ADH4: variants seen among roughly 807,000 people sequenced by gnomAD.
ADH4 encodes the protein alcohol dehydrogenase 4 (class II), pi polypeptide, also known as all-trans-retinol dehydrogenase [NAD(+)] ADH4.
In ADH4, 31 loss-of-function variants were observed where a neutral mutation model predicts 35.2. That is an observed-to-expected ratio of 0.88 (90% CI 0.66 to 1.19). ADH4 has a LOEUF of 1.19. Ranked by LOEUF, ADH4 falls within the 50% of genes most tolerant of loss-of-function variation. ADH4 has a pLI of 0.00. For synonymous variants in ADH4, 171 were observed against 160.2 expected (o/e 1.07, Z -0.51); for missense variants, 476 against 458.3 (o/e 1.04, Z -0.35).
At chr4:99,125,214 A>C (rs1388584537) in intron 8 of ADH4, among the ~76,000 whole-genome samples, 1 of 152,046 alleles carries the variant, frequency 6.6e-6, no homozygotes, top group Non-Finnish European at 1.5e-5. Flanking sequence ...TCCTGTGCCC[A>C]TATGGTGGAC....
intron 5 of ADH4, among the ~76,000 whole-genome samples, chr4:99,132,476 GCTTTT>G (rs1387139538): frequency 6.6e-6 from 1 of 151,880 alleles, no homozygotes; most frequent in East Asian, 1.9e-4. Context: ...CTGTCTTTTT[GCTTTT>G]CTTTTATTAT....
At position 99,127,262 on chromosome 4, in the gene ADH4, A is replaced by G. The variant is rs200898633; in HGVS notation, c.926T>C (p.Ile309Thr). The change falls in exon 7 of 9, where the codon ATT (isoleucine) becomes ACT (threonine). Residue 309 changes from isoleucine to threonine, a missense_variant. Physicochemically the swap from Ile to Thr is moderately conservative, Grantham distance 89. Coordinates refer to ENST00000265512, the MANE Select transcript of ADH4 (RefSeq NM_000670.5). The stretch of plus-strand genomic sequence containing the variant: ...GCCGATTATTAGCTCCTCTGGAAAA[A>G]TAGTCAATCCTTTGCTACCAGCAGC... ...GVAAGSKGLT[I>T]FPEELIIGRT... 3 of 1,611,914 alleles carry G rather than the reference A, an allele frequency of 1.9e-6. No homozygotes were observed. The highest frequency in any genetic ancestry group is 1.7e-6 in the Non-Finnish European group (2 of 1,178,698).
At chr4:99,128,790 A>G (rs1729176324) in intron 6 of ADH4, among the ~76,000 whole-genome samples, 1 of 133,622 alleles carries the variant, frequency 7.5e-6, no homozygotes, top group South Asian at 2.6e-4. Context: ...TAATTCATAT[A>G]TAAATATATA....
At chr4:99,128,433 C>CA (rs1366071155) in intron 6 of ADH4, among the ~76,000 whole-genome samples, 1 of 150,182 alleles carries the variant, frequency 6.7e-6, no homozygotes, top group Non-Finnish European at 1.5e-5. Flanking sequence ...GACTCCATCT[C>CA]AAAAAAAAAG....
intron 1 of ADH4, chr4:99,143,091 T>C (rs1447914982): frequency 7.2e-6 from 5 of 698,532 alleles, no homozygotes; most frequent in Admixed American, 2.0e-5. Context: ...AGAGAATAGA[T>C]TTATGGAGTT....
chr4:99,142,782 T>C lies in ADH4; in HGVS notation c.19-2A>G, dbSNP rs746363534. 5 of 1,593,882 alleles carry C rather than the reference T, an allele frequency of 3.1e-6. No individual in the cohort carries two copies. The highest frequency in any genetic ancestry group is 3.4e-6 in the Non-Finnish European group (4 of 1,171,676). On this transcript the variant is annotated splice_acceptor_variant, in intron 1 of 8. Coordinates refer to ENST00000265512, the MANE Select transcript of ADH4 (RefSeq NM_000670.5). LOFTEE classifies it high-confidence loss of function. ...GATGGCTGCTTTGCATTTAATAACC[T>C]GAAAGAGAGAAAGAAAAGGAAGAGG...
chr4:99,142,302 G>C (rs1729651367), intron 2 of ADH4, among the ~76,000 whole-genome samples: 1 of 152,134 alleles, frequency 6.6e-6, no homozygotes, highest in African/African-American at 2.4e-5. Context: ...AGCACGTCAG[G>C]TTTTTTCTTC....
At chr4:99,126,263 A>T (rs527821454) in intron 8 of ADH4, among the ~76,000 whole-genome samples, 1 of 148,550 alleles carries the variant, frequency 6.7e-6, no homozygotes, top group Admixed American at 6.8e-5. Flanking sequence ...CACGGTGCTA[A>T]ACTCAGGGGT....
At chr4:99,128,433 CA>C (rs1366071155) in intron 6 of ADH4, among the ~76,000 whole-genome samples, 6 of 150,300 alleles carry the variant, frequency 4.0e-5, no homozygotes, top group Admixed American at 1.3e-4. Flanking sequence ...GACTCCATCT[CA>C]AAAAAAAAGT....
Position 99,126,709 on chromosome 4 carries a change from G to A in ADH4, c.1003C>T (p.Pro335Ser), listed in dbSNP as rs1245205543. Residue 335 changes from proline (P) to serine (S), a missense_variant, in exon 8 of 9, where the codon CCA (proline) becomes TCA (serine). Physicochemically the swap from Pro to Ser is moderately conservative, Grantham distance 74. Transcript: ENST00000265512. ...FGGWKSVDSI[P>S]KLVTDYKNKK... ...TTCTTATAGTCAGTGACCAGCTTTGGGATAGAATCTACACTTTTCCAACCT... is the reference window on the plus strand; with the variant it reads ...TTCTTATAGTCAGTGACCAGCTTTGAGATAGAATCTACACTTTTCCAACCT... 1.2e-6 allele frequency: 2 copies of A among 1,607,650 alleles called. No individual in the cohort carries two copies. Among genetic ancestry groups the A allele is most frequent in the Non-Finnish European group, 1.7e-6 (2 of 1,175,636 alleles).
intron 5 of ADH4, among the ~76,000 whole-genome samples, chr4:99,135,507 G>C (rs1729408885): frequency 6.6e-6 from 1 of 152,154 alleles, no homozygotes; most frequent in African/African-American, 2.4e-5. Context: ...ATCTCTGAGA[G>C]GAAGTGATAA....
chr4:99,139,231 T>C, intron 3 of ADH4, 83 bp from the exon 4 acceptor site: 1 of 836,326 alleles, frequency 1.2e-6, no homozygotes, highest in Non-Finnish European at 1.9e-6. Flanking sequence ...AAACACCTTT[T>C]CTTTATAGTA....
intron 5 of ADH4, 101 bp downstream of exon 5, chr4:99,136,365 A>G: frequency 1.0e-6 from 1 of 955,644 alleles, no homozygotes; most frequent in Non-Finnish European, 1.6e-6. Flanking sequence ...GAGGTAATAA[A>G]TGACACAGCC....
Position 99,127,266 on chromosome 4 carries a change from T to G in ADH4, c.922A>C (p.Thr308Pro). The stretch of plus-strand genomic sequence containing the variant: ...ATTATTAGCTCCTCTGGAAAAATAG[T>G]CAATCCTTTGCTACCAGCAGCTACT... The part of the protein sequence containing the change: ...IGVAAGSKGL[T>P]IFPEELIIGR... The change falls in exon 7 of 9, where the codon ACT (threonine) becomes CCT (proline). Residue 308 changes from threonine to proline, a missense_variant. Transcript: ENST00000265512. The G allele has an allele frequency of 1.9e-6, 3 of 1,612,200 alleles. No individual in the cohort carries two copies. The highest frequency in any genetic ancestry group is 2.5e-6 in the Non-Finnish European group (3 of 1,178,908).
chr4:99,143,121 A>G (rs1729686383), intron 1 of ADH4: 2 of 701,182 alleles, frequency 2.9e-6, no homozygotes, highest in Non-Finnish European at 5.2e-6. Context: ...TAGATGGCCT[A>G]TAAAAATCTA....
chr4:99,130,938 A>G (rs1729251695), intron 6 of ADH4, among the ~76,000 whole-genome samples: 1 of 152,158 alleles, frequency 6.6e-6, no homozygotes, highest in Non-Finnish European at 1.5e-5. Flanking sequence ...GTTAATATTA[A>G]TAATGTATAT....
intron 8 of ADH4, 61 bp from the exon 9 acceptor site, chr4:99,124,527 A>C: frequency 9.8e-6 from 11 of 1,127,840 alleles, no homozygotes; most frequent in Non-Finnish European, 1.4e-5. Context: ...ACCAAAGCTC[A>C]CAAATAAGTT....
Position 99,124,332 on chromosome 4 carries a change from T to TA in ADH4, c.*109dup. 2 of 742,988 alleles carry TA rather than the reference T, an allele frequency of 2.7e-6. No individual in the cohort carries two copies. The highest frequency in any genetic ancestry group is 4.5e-6 in the Non-Finnish European group (2 of 443,968). The allele number at this position is 742,988 out of a possible 1,614,324, so 46.0% of individuals were successfully genotyped here. A position where few individuals can be genotyped will look rare whatever the true frequency, so the allele number is the denominator to read the frequency against. ...CTCTTTTATGTTCCCATATTAAATG[T>TA]AAATATTTGTTTAAACTCATGGCTT... On this transcript the variant is annotated 3_prime_UTR_variant, in exon 9 of 9. Coordinates refer to ENST00000265512, the MANE Select transcript of ADH4 (RefSeq NM_000670.5).
Position 99,124,383 on chromosome 4 carries a change from A to T in ADH4, c.*59T>A, listed in dbSNP as rs1217267542. ...TCCTTGGTTCATCAAATCAGGTAAT[A>T]AATTAACCAGGCAGGTTCACATTCA... is the stretch of plus-strand genomic sequence containing the variant. On this transcript the variant is annotated 3_prime_UTR_variant, in exon 9 of 9. Coordinates refer to ENST00000265512, the MANE Select transcript of ADH4 (RefSeq NM_000670.5). 1.2e-5 allele frequency: 15 copies of T among 1,228,302 alleles called. No individual in the cohort carries two copies. Among genetic ancestry groups the T allele is most frequent in the Non-Finnish European group, 1.8e-5 (15 of 854,344 alleles). The allele number at this position is 1,228,302 out of a possible 1,614,324, so 76.1% of individuals were successfully genotyped here. A position where few individuals can be genotyped will look rare whatever the true frequency, so the allele number is the denominator to read the frequency against.
Sources: gnomAD v4.1 joint callset for allele counts (sites outside exome capture counted in the v4.1 genomes callset) on GRCh38, gnomAD v4.1.1 for gene constraint, MANE v1.5 for transcripts, NCBI Gene and HGNC (gene_info 2026-07-23, HGNC 2026-07-21) for gene names.